CALN1: variants seen among roughly 807,000 people sequenced by gnomAD.
CALN1 encodes the protein calneuron 1, also known as calcium-binding protein 8.
CALN1 carries 17 observed loss-of-function variants against 30.6 expected under a neutral mutation model. The observed-to-expected ratio is 0.56, with a 90% confidence interval of 0.38 to 0.83. The LOEUF (loss-of-function observed/expected upper bound fraction) is 0.83, where lower values mean the gene tolerates loss of function less well. Among genes scored for constraint, CALN1 ranks in the 40% least tolerant of loss-of-function variants. CALN1 has a pLI of 0.00. For missense variants in CALN1, 291 were observed against 354.9 expected (o/e 0.82, Z 1.45); for synonymous variants, 156 against 131.4 (o/e 1.19, Z -1.28).
chr7:72,310,318 G>C (rs1799954433), intron 2 of CALN1, among the ~76,000 whole-genome samples: 1 of 150,506 alleles, frequency 6.6e-6, no homozygotes, highest in African/African-American at 2.5e-5. Context: ...TAATTGATAT[G>C]ATCCAGAAGA....
chr7:72,390,233 A>G (rs1444732096), intron 2 of CALN1, among the ~76,000 whole-genome samples: 2 of 152,056 alleles, frequency 1.3e-5, no homozygotes, highest in Non-Finnish European at 2.9e-5. Context: ...GTCCCAGACC[A>G]GCCTGGCCAA....
At chr7:71,914,860 C>T (rs1432274856) in intron 5 of CALN1, among the ~76,000 whole-genome samples, 1 of 152,140 alleles carries the variant, frequency 6.6e-6, no homozygotes, top group African/African-American at 2.4e-5. Flanking sequence ...TGAAAAGTGT[C>T]TGTTCATGTC....
chr7:72,054,032 T>C (rs762761344), intron 4 of CALN1, among the ~76,000 whole-genome samples: 1 of 152,150 alleles, frequency 6.6e-6, no homozygotes, highest in African/African-American at 2.4e-5. Context: ...AATTTCTTTA[T>C]CCACTCATTG....
intron 5 of CALN1, among the ~76,000 whole-genome samples, chr7:71,882,907 G>A (rs994056361): frequency 6.7e-6 from 1 of 149,366 alleles, no homozygotes; most frequent in South Asian, 2.1e-4. Flanking sequence ...TAAAGACAGT[G>A]TCTCATTATG....
At chr7:72,226,086 C>T in intron 3 of CALN1, among the ~76,000 whole-genome samples, 1 of 114,088 alleles carries the variant, frequency 8.8e-6, no homozygotes, top group East Asian at 3.3e-4. Flanking sequence ...CAGAGCGAGA[C>T]TCCACCCAAA....
intron 5 of CALN1, among the ~76,000 whole-genome samples, chr7:71,974,481 A>G (rs1798006009): frequency 6.6e-6 from 1 of 151,118 alleles, no homozygotes; most frequent in Non-Finnish European, 1.5e-5. Context: ...CACAGCTTAT[A>G]TTGCTATCTA....
intron 5 of CALN1, among the ~76,000 whole-genome samples, chr7:71,955,226 T>C (rs1796898174): frequency 6.6e-6 from 1 of 151,992 alleles, no homozygotes; most frequent in Admixed American, 6.6e-5. Context: ...TCGTGAGACG[T>C]ATTCACTACC....
chr7:72,011,020 G>A (rs1396832827), intron 5 of CALN1, among the ~76,000 whole-genome samples: 1 of 151,528 alleles, frequency 6.6e-6, no homozygotes, highest in African/African-American at 2.4e-5. Flanking sequence ...GGGCGTGTTG[G>A]CACGCACCTG....
intron 4 of CALN1, among the ~76,000 whole-genome samples, chr7:72,073,006 A>G (rs1244747571): frequency 6.6e-6 from 1 of 152,240 alleles, no homozygotes; most frequent in Non-Finnish European, 1.5e-5. Flanking sequence ...AAAAAGCTTT[A>G]AGACACATGG....
chr7:72,178,938 T>C (rs1430257627), intron 3 of CALN1, among the ~76,000 whole-genome samples: 1 of 152,202 alleles, frequency 6.6e-6, no homozygotes, highest in African/African-American at 2.4e-5. Context: ...TTGTGGTCTT[T>C]AGGCATCATG....
chr7:72,304,852 T>C (rs1423689095), intron 2 of CALN1, among the ~76,000 whole-genome samples: 1 of 152,210 alleles, frequency 6.6e-6, no homozygotes, highest in South Asian at 2.1e-4. Context: ...TTGTTGTATA[T>C]TTAGTTGTTT....
chr7:72,196,111 T>A (rs999579327), intron 3 of CALN1, among the ~76,000 whole-genome samples: 1 of 150,692 alleles, frequency 6.6e-6, no homozygotes, highest in Admixed American at 6.6e-5. Flanking sequence ...TAAGTTTCTT[T>A]TTCTTTTCTT....
intron 3 of CALN1, among the ~76,000 whole-genome samples, chr7:72,188,562 A>AG (rs1311574512): frequency 6.7e-6 from 1 of 149,846 alleles, no homozygotes. Flanking sequence ...AAAGGGTGGG[A>AG]GGGGGGTGAG....
intron 2 of CALN1, among the ~76,000 whole-genome samples, chr7:72,284,530 C>A (rs1226292893): frequency 1.3e-5 from 2 of 152,112 alleles, no homozygotes; most frequent in African/African-American, 4.8e-5. Context: ...TGGGTCTCAT[C>A]CAACAGTGAA....
rs552729100 is a variant in CALN1, at chr7:71,889,714, G to A, written c.502-79222C>T. Among the ~76,000 whole-genome samples the A allele has an allele frequency of 9.8e-5, 15 of 152,296 alleles. No homozygotes were observed. The East Asian group carries it at 2.9e-3, about 29-fold the overall frequency. On this transcript the variant is annotated intron_variant, in intron 5 of 6. Transcript: ENST00000395275. ...TCAAGCCTGTAATCCCAGCACTTTG[G>A]GAGGCTGAGGTGGGCAGATCACCTG...
chr7:72,073,536 A>G (rs1270671880), intron 4 of CALN1, among the ~76,000 whole-genome samples: 1 of 152,188 alleles, frequency 6.6e-6, no homozygotes, highest in African/African-American at 2.4e-5. Context: ...GTGGTGATTA[A>G]ACACCAGCCT....
chr7:72,474,275 A>G, the CALN1 span, among the ~76,000 whole-genome samples: 1 of 152,232 alleles, frequency 6.6e-6, no homozygotes, highest in East Asian at 1.9e-4. Flanking sequence ...TGGCATTGAA[A>G]GAAGACATTG....
chr7:72,348,492 T>G lies in CALN1; in HGVS notation c.119+54759A>C, dbSNP rs114891579. ...AACACAGATAGAAAGGTGGAAATTTTTTATAACGATTTAAGTTCCTAGTTG... is the reference window on the plus strand; with the variant it reads ...AACACAGATAGAAAGGTGGAAATTTGTTATAACGATTTAAGTTCCTAGTTG... On this transcript the variant is annotated intron_variant, in intron 2 of 6. Coordinates refer to ENST00000395275, the MANE Select transcript of CALN1 (RefSeq NM_031468.4). 8.5e-3 allele frequency among the ~76,000 whole-genome samples: 1,300 copies of G among 152,330 alleles called. 15 individuals are homozygous for G. Among genetic ancestry groups the G allele is most frequent in the African/African-American group, 0.03 (1,253 of 41,570 alleles).
chr7:71,915,393 C>T (rs1794636466), intron 5 of CALN1, among the ~76,000 whole-genome samples: 1 of 152,184 alleles, frequency 6.6e-6, no homozygotes, highest in Admixed American at 6.5e-5. Flanking sequence ...AACCAAATGT[C>T]TAGGAATGAA....
Sources: allele counts gnomAD v4.1 joint callset (sites outside exome capture counted in the v4.1 genomes callset), GRCh38; gene constraint gnomAD v4.1.1; transcripts MANE v1.5; gene names NCBI Gene and HGNC (gene_info 2026-07-23, HGNC 2026-07-21).